Variants in CSF1 observed in about 807,000 individuals in gnomAD.
The protein encoded by CSF1 is macrophage colony-stimulating factor 1.
Under a neutral mutation model 48.9 loss-of-function variants are expected in CSF1, and 9 were observed. That is an observed-to-expected ratio of 0.18 (90% CI 0.11 to 0.32). The LOEUF is 0.32. CSF1 is among the 10% of genes least tolerant of loss of function. The pLI, the probability that CSF1 is intolerant of heterozygous loss-of-function variation, is 1.00. For synonymous variants in CSF1, 305 were observed against 284.1 expected (o/e 1.07, Z -0.74); for missense variants, 672 against 697.9 (o/e 0.96, Z 0.42).
chr1:109,920,312 G>C (rs1036883856), intron 4 of CSF1, among the ~76,000 whole-genome samples: 2 of 151,446 alleles, frequency 1.3e-5, no homozygotes, highest in Non-Finnish European at 3.0e-5. Context: ...CTCTCTCCCA[G>C]GCTGGAGTGC....
At chr1:109,918,265 T>C (rs1340550270) in intron 4 of CSF1, among the ~76,000 whole-genome samples, 1 of 152,166 alleles carries the variant, frequency 6.6e-6, no homozygotes, top group Admixed American at 6.5e-5. Flanking sequence ...GTTATCAGCA[T>C]GGCCAGAGCA....
At chr1:109,917,653 A>G (rs1647292840) in intron 4 of CSF1, among the ~76,000 whole-genome samples, 190 bp downstream of exon 4, 1 of 152,180 alleles carries the variant, frequency 6.6e-6, no homozygotes, top group African/African-American at 2.4e-5. Flanking sequence ...GGCCCTGACA[A>G]TGTCATCATG....
At chr1:109,916,170 C>A (rs896395908) in intron 3 of CSF1, among the ~76,000 whole-genome samples, 2 of 152,176 alleles carry the variant, frequency 1.3e-5, no homozygotes, top group African/African-American at 4.8e-5. Context: ...ACTTGCCCCA[C>A]ACCCAACCAG....
chr1:109,911,898 A>T (rs935765943), intron 1 of CSF1, among the ~76,000 whole-genome samples: 1 of 152,190 alleles, frequency 6.6e-6, no homozygotes, highest in Non-Finnish European at 1.5e-5. Flanking sequence ...GCGGTAGCAG[A>T]TGCAGCCATA....
intron 4 of CSF1, among the ~76,000 whole-genome samples, chr1:109,920,461 G>A (rs1272400066): frequency 2.0e-5 from 3 of 152,106 alleles, no homozygotes; most frequent in Non-Finnish European, 2.9e-5. Context: ...TGGGATTACA[G>A]GCACGTGCCA....
At position 109,929,031 on chromosome 1, in the gene CSF1, TGA is replaced by T. The variant is rs1203684312; in HGVS notation, c.*199_*200del. 2.0e-5 allele frequency: 3 copies of T among 152,792 alleles called. No individual in the cohort carries two copies. The highest frequency in any genetic ancestry group is 7.2e-5 in the African/African-American group (3 of 41,460). 9.5% of individuals were successfully genotyped at this position (152,792 alleles called of 1,614,324 possible). On this transcript the variant is annotated 3_prime_UTR_variant, in exon 9 of 9. Coordinates refer to ENST00000329608, the MANE Select transcript of CSF1 (RefSeq NM_000757.6). ...CTCAACCCGCAGACCCTTGACTGAA[TGA>T]GAGAGGCCAGAGGATGCTCCCCATG...
chr1:109,927,477 C>T (rs993282986), intron 8 of CSF1, among the ~76,000 whole-genome samples: 2 of 152,202 alleles, frequency 1.3e-5, no homozygotes, highest in African/African-American at 4.8e-5. Flanking sequence ...CTCAGTGCCA[C>T]AACACCCTTC....
Position 109,915,431 on chromosome 1 carries a change from C to A in CSF1, c.163-203C>A, listed in dbSNP as rs190799705. 1.1e-3 allele frequency among the ~76,000 whole-genome samples: 166 copies of A among 152,304 alleles called. 1 individual carries two copies. The Middle Eastern group carries it at 0.014, about 12-fold the overall frequency. On this transcript the variant is annotated intron_variant, in intron 2 of 8. Coordinates refer to ENST00000329608, the MANE Select transcript of CSF1 (RefSeq NM_000757.6). The stretch of plus-strand genomic sequence containing the variant: ...GGTGGTAGAAGGAAAGAAGAGACTT[C>A]TTGTTCTTCTACAGCCTTCCCCTGG...
At position 109,917,330 on chromosome 1, in the gene CSF1, T is replaced by G; in HGVS notation, c.263T>G (p.Leu88Arg). ...PVCYLKKAFL[L>R]VQDIMEDTMR... ...TGCTACCTTAAGAAGGCATTTCTCC[T>G]GGTACAAGACATAATGGAGGACACC... is the stretch of plus-strand genomic sequence containing the variant. The change falls in exon 4 of 9, where the codon CTG (leucine) becomes CGG (arginine). Residue 88 changes from leucine to arginine, a missense_variant. By Grantham distance (102) the Leu-to-Arg change is moderately radical (BLOSUM62 -2). Around this residue, in one of 3 missense-constraint regions of CSF1, gnomAD observed 591 missense variants for 593.6 expected, o/e 1.00. Coordinates refer to ENST00000329608, the MANE Select transcript of CSF1 (RefSeq NM_000757.6). 6.2e-7 allele frequency: 1 copy of G among 1,614,198 alleles called. No individual in the cohort carries two copies. Among genetic ancestry groups the G allele is most frequent in the East Asian group, 2.2e-5 (1 of 44,880 alleles).
intron 8 of CSF1, among the ~76,000 whole-genome samples, chr1:109,928,589 G>C (rs1338118987): frequency 6.6e-6 from 1 of 151,956 alleles, no homozygotes; most frequent in Admixed American, 6.6e-5. Flanking sequence ...GACCTCTCCC[G>C]GGCCCCGTTA....
chr1:109,911,092 G>A, intron 1 of CSF1, 30 bp downstream of exon 1: 1 of 1,034,770 alleles, frequency 9.7e-7, no homozygotes, highest in Non-Finnish European at 1.2e-6. Context: ...CTGGGCCCGG[G>A]ACGGGCTGGG....
rs1242691885 is a variant in CSF1, at chr1:109,930,033, T to C, written c.*1195T>C. 7.2e-5 allele frequency: 11 copies of C among 152,240 alleles called. No homozygotes were observed. The highest frequency in any genetic ancestry group is 7.2e-4 in the Admixed American group (11 of 15,280). 9.4% of individuals were successfully genotyped at this position (152,240 alleles called of 1,614,324 possible). On this transcript the variant is annotated 3_prime_UTR_variant, in exon 9 of 9. Coordinates refer to ENST00000329608, the MANE Select transcript of CSF1 (RefSeq NM_000757.6). ...TTGAAATATAGGTATGCACCTGAGG[T>C]TGGGGGAGGGTCTGCACTCCCAAAC...
intron 4 of CSF1, among the ~76,000 whole-genome samples, chr1:109,920,701 C>G (rs1228501756): frequency 6.6e-6 from 1 of 152,130 alleles, no homozygotes; most frequent in Non-Finnish European, 1.5e-5. Context: ...CCTAGAAAAG[C>G]CCATGTTTCT....
chr1:109,917,242 G>A (rs887371784), intron 3 of CSF1, 51 bp from the exon 4 acceptor site: 16 of 1,582,652 alleles, frequency 1.0e-5, no homozygotes, highest in African/African-American at 1.4e-5. Flanking sequence ...GGGGTTGGGG[G>A]TTCCCAGGCC....
At position 109,910,979 on chromosome 1, in the gene CSF1, C is replaced by A; in HGVS notation, c.-45C>A. On this transcript the variant is annotated 5_prime_UTR_variant, in exon 1 of 9. Transcript: ENST00000329608. ...CCGCAGCAGCCAGCGAGCGAGCGAG[C>A]GAGCGAGGGCGGCCGACGCGCCCGG... 1 of 1,154,844 alleles carries A rather than the reference C, an allele frequency of 8.7e-7. No homozygotes were observed. The highest frequency in any genetic ancestry group is 3.7e-5 in the South Asian group (1 of 27,326). 71.5% of individuals were successfully genotyped at this position (1,154,844 alleles called of 1,614,324 possible). A position where few individuals can be genotyped will look rare whatever the true frequency, so the allele number is the denominator to read the frequency against.
intron 6 of CSF1, 82 bp downstream of exon 6, chr1:109,924,272 C>A: frequency 7.8e-7 from 1 of 1,282,802 alleles, no homozygotes; most frequent in Non-Finnish European, 1.1e-6. Context: ...GGGGGGACAG[C>A]TTGGGTGCGG....
chr1:109,914,491 C>T (rs566128801), intron 2 of CSF1, 110 bp downstream of exon 2: 80 of 1,284,386 alleles, frequency 6.2e-5, no homozygotes, highest in African/African-American at 3.9e-4. Context: ...TAGGGCAGTG[C>T]GGGACATTGC....
chr1:109,925,130 C>A lies in CSF1; in HGVS notation c.1623-17C>A. On this transcript the variant is annotated splice_polypyrimidine_tract_variant and intron_variant, in intron 7 of 8. Transcript: ENST00000329608. ...CTCCTGCTGATGTCTAATACCAGCCCTGTGCTCTGCCTGCAGCCCCCTGAC... is the reference window on the plus strand; with the variant it reads ...CTCCTGCTGATGTCTAATACCAGCCATGTGCTCTGCCTGCAGCCCCCTGAC... 2 of 1,613,094 alleles carry A rather than the reference C, an allele frequency of 1.2e-6. No individual in the cohort carries two copies. Among genetic ancestry groups the A allele is most frequent in the Middle Eastern group, 1.7e-4 (1 of 5,780 alleles).
At position 109,928,831 on chromosome 1, in the gene CSF1, GCCTTT is replaced by G. The variant is rs973698238; in HGVS notation, c.*14-16_*14-12del. ...CCCCGCATTCCCACTCTGCTGACTAGCCTTTCCTTCTCTCCCACAGCTGGACGCAC... is the reference window on the plus strand; with the variant it reads ...CCCCGCATTCCCACTCTGCTGACTAGCCTTCTCTCCCACAGCTGGACGCAC... On this transcript the variant is annotated splice_polypyrimidine_tract_variant and intron_variant, in intron 8 of 8. Coordinates refer to ENST00000329608, the MANE Select transcript of CSF1 (RefSeq NM_000757.6). 1 of 152,768 alleles carries G rather than the reference GCCTTT, an allele frequency of 6.5e-6. No homozygotes were observed. 9.5% of individuals were successfully genotyped at this position (152,768 alleles called of 1,614,324 possible).
Sources: gnomAD v4.1 joint callset for allele counts (sites outside exome capture counted in the v4.1 genomes callset) on GRCh38, gnomAD v4.1.1 for gene constraint, gnomAD v4.1.1 regional missense constraint, MANE v1.5 for transcripts, NCBI Gene and HGNC (gene_info 2026-07-23, HGNC 2026-07-21) for gene names.